The following AGBL4 variants were observed in gnomAD, a reference collection of about 807,000 sequenced individuals.
AGBL4 encodes the protein cytosolic carboxypeptidase 6.
Under a neutral mutation model 66.4 loss-of-function variants are expected in AGBL4, and 58 were observed. The ratio of observed to expected loss-of-function variants is 0.87; its 90% confidence interval spans 0.71 to 1.09. The LOEUF (loss-of-function observed/expected upper bound fraction) is 1.09, where lower values mean the gene tolerates loss of function less well. Among genes scored for constraint, AGBL4 ranks in the 50% least tolerant of loss-of-function variants. The pLI is 0.00. For missense variants in AGBL4, 579 were observed against 631.0 expected (o/e 0.92, Z 0.88); for synonymous variants, 234 against 222.9 (o/e 1.05, Z -0.44).
At chr1:48,760,773 C>T (rs531955595) in intron 6 of AGBL4, among the ~76,000 whole-genome samples, 2 of 152,092 alleles carry the variant, frequency 1.3e-5, no homozygotes, top group Non-Finnish European at 2.9e-5. Context: ...ATCTACTGCA[C>T]AGAAAAAAAC....
chr1:49,568,487 TCA>T lies in AGBL4; in HGVS notation c.282+128824_282+128825del, dbSNP rs71059555. 8.2e-3 allele frequency among the ~76,000 whole-genome samples: 1,070 copies of T among 131,248 alleles called. 4 individuals carry two copies. Among genetic ancestry groups the T allele is most frequent in the African/African-American group, 0.019 (653 of 34,980 alleles). The allele number at this position is 131,248 out of a possible 152,430, so 86.1% of individuals were successfully genotyped here. A position where few individuals can be genotyped will look rare whatever the true frequency, so the allele number is the denominator to read the frequency against. ...AAACACTGCTCAAAGAAATAAGTGA[TCA>T]CACACACACACACACACACACACAC... On this transcript the variant is annotated intron_variant, in intron 3 of 13. Coordinates refer to ENST00000371839, the MANE Select transcript of AGBL4 (RefSeq NM_032785.4).
chr1:49,548,611 TCCCTGGTATGAAACCCACTTG>T (rs1652698626), intron 3 of AGBL4, among the ~76,000 whole-genome samples: 1 of 152,232 alleles, frequency 6.6e-6, no homozygotes, highest in Admixed American at 6.5e-5. Context: ...CATGCCTGAA[TCCCTGGTATGAAACCCACTTG>T]ATCATGGTGG....
intron 1 of AGBL4, among the ~76,000 whole-genome samples, chr1:49,861,477 C>T (rs890222502): frequency 1.3e-5 from 2 of 152,078 alleles, no homozygotes; most frequent in East Asian, 3.9e-4. Flanking sequence ...AGTAATGAGG[C>T]CCCTGTTCCA....
At chr1:49,457,014 C>T (rs1037679079) in intron 3 of AGBL4, among the ~76,000 whole-genome samples, 12 of 151,666 alleles carry the variant, frequency 7.9e-5, no homozygotes, top group African/African-American at 2.9e-4. Flanking sequence ...TCTGCAATTG[C>T]AAATTATGCT....
At chr1:49,778,101 G>A (rs1404874293) in intron 2 of AGBL4, among the ~76,000 whole-genome samples, 1 of 152,146 alleles carries the variant, frequency 6.6e-6, no homozygotes, top group South Asian at 2.1e-4. Context: ...GTACATCTGA[G>A]ATAATTGGGC....
intron 5 of AGBL4, among the ~76,000 whole-genome samples, chr1:48,892,766 T>G (rs556347095): frequency 1.3e-4 from 20 of 152,316 alleles, no homozygotes; most frequent in African/African-American, 4.6e-4. Flanking sequence ...GTTCCCAGCT[T>G]GAATTTTCCC....
chr1:49,808,987 T>C (rs1472644470), intron 2 of AGBL4, among the ~76,000 whole-genome samples: 1 of 152,094 alleles, frequency 6.6e-6, no homozygotes, highest in Non-Finnish European at 1.5e-5. Context: ...TAAATCAAAA[T>C]TAACATGGAA....
At chr1:49,967,524 G>A (rs1252547925) in intron 1 of AGBL4, among the ~76,000 whole-genome samples, 1 of 151,944 alleles carries the variant, frequency 6.6e-6, no homozygotes, top group Non-Finnish European at 1.5e-5. Flanking sequence ...GAGGTGGGGG[G>A]CTAGGGGAGG....
chr1:48,853,145 C>A (rs1008465734), intron 6 of AGBL4, among the ~76,000 whole-genome samples: 2 of 152,196 alleles, frequency 1.3e-5, no homozygotes, highest in Non-Finnish European at 2.9e-5. Context: ...GTGACTCAAG[C>A]AGCCCCACAG....
At chr1:49,034,914 T>C (rs1183606172) in intron 5 of AGBL4, among the ~76,000 whole-genome samples, 6 of 152,060 alleles carry the variant, frequency 3.9e-5, no homozygotes, top group African/African-American at 1.4e-4. Flanking sequence ...TACGCTAAAA[T>C]TTCTGAGTGA....
chr1:49,523,956 C>CCATCATCAT (rs201580756), intron 3 of AGBL4, among the ~76,000 whole-genome samples: 36 of 150,984 alleles, frequency 2.4e-4, no homozygotes, highest in African/African-American at 8.3e-4. Context: ...AGCATTATCA[C>CCATCATCAT]CATCATCATC....
At chr1:49,672,468 T>G (rs1012476943) in intron 3 of AGBL4, among the ~76,000 whole-genome samples, 1 of 151,458 alleles carries the variant, frequency 6.6e-6, no homozygotes, top group Non-Finnish European at 1.5e-5. Flanking sequence ...GTAATAAACC[T>G]TCACATATAC....
chr1:49,991,433 A>G (rs1042923945), intron 1 of AGBL4, among the ~76,000 whole-genome samples: 2 of 152,228 alleles, frequency 1.3e-5, no homozygotes, highest in African/African-American at 4.8e-5. Context: ...CTTTATAATA[A>G]TCAGATTTTG....
chr1:49,729,382 C>G (rs1649260151), intron 2 of AGBL4, among the ~76,000 whole-genome samples: 1 of 151,920 alleles, frequency 6.6e-6, no homozygotes, highest in Admixed American at 6.6e-5. Context: ...AGCCTCAAGT[C>G]CAAGATAATT....
intron 4 of AGBL4, among the ~76,000 whole-genome samples, chr1:49,240,148 A>G (rs192015532): frequency 1.5e-4 from 23 of 152,276 alleles, no homozygotes; most frequent in Admixed American, 7.2e-4. Flanking sequence ...AAACATTACT[A>G]CATTAAGACT....
At chr1:49,031,657 C>T (rs1045461302) in intron 5 of AGBL4, among the ~76,000 whole-genome samples, 1 of 152,004 alleles carries the variant, frequency 6.6e-6, no homozygotes, top group East Asian at 1.9e-4. Flanking sequence ...CAAAAAGATA[C>T]TCAACATCAT....
At chr1:48,686,660 C>T (rs898417662) in intron 6 of AGBL4, among the ~76,000 whole-genome samples, 3 of 152,232 alleles carry the variant, frequency 2.0e-5, no homozygotes, top group East Asian at 1.9e-4. Flanking sequence ...CCCCAAGGAG[C>T]TGTGACACAC....
At position 49,715,230 on chromosome 1, in the gene AGBL4, C is replaced by A. The variant is rs1333719221; in HGVS notation, c.158-17793G>T. 2.0e-5 allele frequency among the ~76,000 whole-genome samples: 3 copies of A among 152,036 alleles called. No homozygotes were observed. The East Asian group carries it at 5.8e-4, about 29-fold the overall frequency. On this transcript the variant is annotated intron_variant, in intron 2 of 13. Coordinates refer to ENST00000371839, the MANE Select transcript of AGBL4 (RefSeq NM_032785.4). ...AACATGTGGTGTTTGGTTTTCTGTT[C>A]CTGTGTTAGTTTGCTGAGAATGATG...
intron 3 of AGBL4, among the ~76,000 whole-genome samples, chr1:49,384,471 T>C (rs1249659001): frequency 1.3e-5 from 2 of 151,962 alleles, no homozygotes; most frequent in Non-Finnish European, 2.9e-5. Flanking sequence ...TGTGCACCTG[T>C]AGGCCCAGCT....
Sources: allele counts gnomAD v4.1 joint callset (sites outside exome capture counted in the v4.1 genomes callset), GRCh38; gene constraint gnomAD v4.1.1; transcripts MANE v1.5; gene names NCBI Gene and HGNC (gene_info 2026-07-23, HGNC 2026-07-21).